The following FBXO46 variants were observed in gnomAD, a reference collection of about 807,000 sequenced individuals.
FBXO46 encodes F-box only protein 46.
In FBXO46, 13 loss-of-function variants were observed where a neutral mutation model predicts 30.7. The ratio of observed to expected loss-of-function variants is 0.42; its 90% confidence interval spans 0.28 to 0.67. FBXO46 has a LOEUF of 0.67. Ranked by LOEUF, FBXO46 falls within the 30% of genes least tolerant of loss-of-function variation. The pLI is 0.21. For synonymous variants in FBXO46, 467 were observed against 385.8 expected (o/e 1.21, Z -2.47); for missense variants, 754 against 871.5 (o/e 0.87, Z 1.70).
At chr19:45,731,218 G>A (rs568316830), upstream of FBXO46, among the ~76,000 whole-genome samples, 5 of 152,254 alleles carry the variant, frequency 3.3e-5, no homozygotes, top group East Asian at 9.6e-4. Context: ...GAGGGGTGGA[G>A]AGTTGGGGAA....
In FBXO46 at chr19:45,711,061, G is replaced by A. The variant is rs566648350; in HGVS notation, c.*623C>T. The stretch of plus-strand genomic sequence containing the variant: ...TGCCCCCCTCTTCCTCTACGCGGAA[G>A]AGGAGAGACTGGTAGCTTGAGGTTA... On this transcript the variant is annotated 3_prime_UTR_variant, in exon 2 of 2. Transcript: ENST00000317683. The A allele has an allele frequency of 3.4e-6, 1 of 296,124 alleles. No homozygotes were observed. The highest frequency in any genetic ancestry group is 1.2e-4 in the East Asian group (1 of 8,098). The allele number at this position is 296,124 out of a possible 1,614,324, so 18.3% of individuals were successfully genotyped here. A position where few individuals can be genotyped will look rare whatever the true frequency, so the allele number is the denominator to read the frequency against.
intron 1 of FBXO46, among the ~76,000 whole-genome samples, chr19:45,719,370 G>C (rs1968141962): frequency 6.6e-6 from 1 of 152,104 alleles, no homozygotes. Context: ...CTGGGGGAGG[G>C]AGGTGGAAGT....
At position 45,713,791 on chromosome 19, in the gene FBXO46, T is replaced by A. The variant is rs146902721; in HGVS notation, c.-78-218A>T. Among the ~76,000 whole-genome samples, 1,689 of 151,940 alleles carry A rather than the reference T, an allele frequency of 0.011. 31 individuals are homozygous for A. Among genetic ancestry groups the A allele is most frequent in the African/African-American group, 0.038 (1,588 of 41,428 alleles). ...GAGACCAGCCTGGCCAACATGGTGA[T>A]ACCCCATCTCTACTAAAAATACAAA... is the stretch of plus-strand genomic sequence containing the variant. On this transcript the variant is annotated intron_variant, in intron 1 of 1. Coordinates refer to ENST00000317683, the MANE Select transcript of FBXO46 (RefSeq NM_001080469.2). This position sits in a 1 kb window ranked among gnomAD's most constrained non-coding sequence, Gnocchi z 4.7.
In FBXO46 at chr19:45,711,442, T is replaced by TAA. The variant is rs138545162; in HGVS notation, c.*240_*241dup. 1.0e-3 allele frequency: 633 copies of TAA among 604,302 alleles called. No homozygotes were observed. Among genetic ancestry groups the TAA allele is most frequent in the Admixed American group, 3.3e-3 (135 of 41,510 alleles). 37.4% of individuals were successfully genotyped at this position (604,302 alleles called of 1,614,324 possible). On this transcript the variant is annotated 3_prime_UTR_variant, in exon 2 of 2. Transcript: ENST00000317683. ...AATGGAGAAGAAAGTGAGATGCTGATAAAAAAAAAAAAAACACCCTTCTCA... is the reference window on the plus strand; with the variant it reads ...AATGGAGAAGAAAGTGAGATGCTGATAAAAAAAAAAAAAAAACACCCTTCTCA...
Position 45,712,559 on chromosome 19 carries a change from T to G in FBXO46, c.937A>C (p.Ser313Arg). The stretch of plus-strand genomic sequence containing the variant: ...CTGGGGAGGGCATCCCGCGAGGGGC[T>G]GATGAGCTGGTATAAGTCACATGTG... Reference protein sequence around the residue: ...KITCDLYQLISPSRDALPSNV... With the variant: ...KITCDLYQLIRPSRDALPSNV... The change falls in exon 2 of 2, where the codon AGC becomes CGC. Residue 313 changes from serine to arginine, a missense_variant. By Grantham distance (110) the Ser-to-Arg change is moderately radical. Coordinates refer to ENST00000317683, the MANE Select transcript of FBXO46 (RefSeq NM_001080469.2). The surrounding 1 kb of genome is among the most constrained non-coding windows in gnomAD (Gnocchi z 8.8). 6.3e-7 allele frequency: 1 copy of G among 1,595,596 alleles called. No homozygotes were observed. The highest frequency in any genetic ancestry group is 8.5e-7 in the Non-Finnish European group (1 of 1,169,896).
At chr19:45,732,589 T>C (rs1360997124), upstream of FBXO46, among the ~76,000 whole-genome samples, 6 of 30,070 alleles carry the variant, frequency 2.0e-4, no homozygotes, top group East Asian at 3.6e-3. Flanking sequence ...TTTTTTTTCC[T>C]TTTTTTTTTT....
chr19:45,732,174 G>A (rs572455323), upstream of FBXO46, among the ~76,000 whole-genome samples: 4 of 151,872 alleles, frequency 2.6e-5, no homozygotes, highest in Admixed American at 2.0e-4. Flanking sequence ...AGATCTTTGT[G>A]TACCTTGTTC....
At chr19:45,717,464 A>C (rs1968112584) in intron 1 of FBXO46, 1 of 152,230 alleles carries the variant, frequency 6.6e-6, no homozygotes, top group Admixed American at 6.5e-5. Flanking sequence ...CCGTGCCCAT[A>C]TAAGGCAGGC....
In FBXO46 at chr19:45,711,643, A is replaced by C; in HGVS notation, c.*41T>G. ...CCCTCGGCTCCCGGGGGGAGAGGGG[A>C]GGGGTGGGCGTGGTGGGCTCTCCCC... On this transcript the variant is annotated 3_prime_UTR_variant, in exon 2 of 2. Coordinates refer to ENST00000317683, the MANE Select transcript of FBXO46 (RefSeq NM_001080469.2). 1.4e-6 allele frequency: 2 copies of C among 1,431,078 alleles called. No individual in the cohort carries two copies. The highest frequency in any genetic ancestry group is 5.0e-5 in the East Asian group (2 of 40,272). The allele number at this position is 1,431,078 out of a possible 1,614,324, so 88.6% of individuals were successfully genotyped here. A position where few individuals can be genotyped will look rare whatever the true frequency, so the allele number is the denominator to read the frequency against.
chr19:45,724,317 A>C (rs1418962810), intron 1 of FBXO46, among the ~76,000 whole-genome samples: 1 of 152,218 alleles, frequency 6.6e-6, no homozygotes, highest in Non-Finnish European at 1.5e-5. Flanking sequence ...TAAAAAATCC[A>C]TGAAAGCAGT....
intron 1 of FBXO46, among the ~76,000 whole-genome samples, chr19:45,720,176 T>C (rs1398398772): frequency 6.6e-6 from 1 of 151,594 alleles, no homozygotes; most frequent in Non-Finnish European, 1.5e-5. Flanking sequence ...CAGGCTGGAG[T>C]GTAACGGTGC....
At chr19:45,723,687 T>C (rs1600365356) in intron 1 of FBXO46, among the ~76,000 whole-genome samples, 2 of 152,082 alleles carry the variant, frequency 1.3e-5, no homozygotes, top group Non-Finnish European at 2.9e-5. Context: ...TTAGACGCAG[T>C]CTCACTCTGT....
In FBXO46 at chr19:45,712,845, C is replaced by A. The variant is rs774044148; in HGVS notation, c.651G>T (p.Arg217=). The change falls in exon 2 of 2, where the codon CGG becomes CGT. Residue 217 remains arginine, a synonymous_variant. Transcript: ENST00000317683. The surrounding 1 kb of genome is among the most constrained non-coding windows in gnomAD (Gnocchi z 8.8). ...GGCTGCAGTCCCCACCACCGGACCG[C>A]CGTTCAGATCCCACCCCCTTGGCCG... ...GGPAKGVGSE[R]RSGGGDCSRV... The A allele has an allele frequency of 1.2e-6, 2 of 1,613,320 alleles. No individual in the cohort carries two copies. Among genetic ancestry groups the A allele is most frequent in the Admixed American group, 3.3e-5 (2 of 59,998 alleles).
chr19:45,716,631 T>C (rs1167166584), intron 1 of FBXO46: 1 of 151,754 alleles, frequency 6.6e-6, no homozygotes, highest in Non-Finnish European at 1.5e-5. Context: ...GCAGACGAAC[T>C]CTTTGAAAAC....
intron 1 of FBXO46, among the ~76,000 whole-genome samples, chr19:45,728,316 G>A (rs914659951): frequency 3.3e-5 from 5 of 152,184 alleles, no homozygotes; most frequent in Non-Finnish European, 7.3e-5. Flanking sequence ...GACAACATGA[G>A]AGAGAAAGGA....
intron 1 of FBXO46, among the ~76,000 whole-genome samples, chr19:45,726,572 C>T (rs146455853): frequency 5.9e-5 from 9 of 151,986 alleles, no homozygotes; most frequent in African/African-American, 2.2e-4. Flanking sequence ...TGCTTGAACC[C>T]AAGAGGCGGA....
chr19:45,720,661 G>A (rs1036540253), intron 1 of FBXO46, among the ~76,000 whole-genome samples: 1 of 151,748 alleles, frequency 6.6e-6, no homozygotes, highest in African/African-American at 2.4e-5. Context: ...GTCTCACTAT[G>A]TTGCCTAGGC....
At chr19:45,718,103 G>A (rs1968124920) in intron 1 of FBXO46, among the ~76,000 whole-genome samples, 1 of 152,056 alleles carries the variant, frequency 6.6e-6, no homozygotes, top group Non-Finnish European at 1.5e-5. Flanking sequence ...AAAACACCCA[G>A]GTACCCCACC....
chr19:45,725,543 C>A (rs954819306), intron 1 of FBXO46, among the ~76,000 whole-genome samples: 3 of 151,934 alleles, frequency 2.0e-5, no homozygotes, highest in Non-Finnish European at 2.9e-5. Flanking sequence ...CTAGCCTAGG[C>A]AACATGGCAA....
Sources: gnomAD v4.1 joint callset for allele counts (sites outside exome capture counted in the v4.1 genomes callset) on GRCh38, gnomAD v4.1.1 for gene constraint, Gnocchi (gnomAD v3.1) non-coding constraint, MANE v1.5 for transcripts, NCBI Gene and HGNC (gene_info 2026-07-23, HGNC 2026-07-21) for gene names.